EFR3A: variants seen among roughly 807,000 people sequenced by gnomAD.
EFR3A encodes the protein EFR3 homolog A.
Under a neutral mutation model 104.4 loss-of-function variants are expected in EFR3A, and 76 were observed. The observed-to-expected ratio is 0.73, with a 90% CI of 0.60 to 0.88. The LOEUF (loss-of-function observed/expected upper bound fraction) is 0.88, where lower values mean the gene tolerates loss of function less well. Ranked by LOEUF, EFR3A falls within the 40% of genes least tolerant of loss-of-function variation. EFR3A has a pLI of 0.00. For missense variants in EFR3A, 985 were observed against 1,012.5 expected (o/e 0.97, Z 0.37); for synonymous variants, 330 against 330.0 (o/e 1.00, Z 0.00).
intron 14 of EFR3A, among the ~76,000 whole-genome samples, chr8:131,981,102 G>T (rs1043308560): frequency 6.6e-6 from 1 of 151,010 alleles, no homozygotes; most frequent in African/African-American, 2.4e-5. Flanking sequence ...GGCTGATTCC[G>T]TACTGAGGAA....
chr8:131,933,820 A>G (rs148489294), intron 1 of EFR3A, among the ~76,000 whole-genome samples: 4 of 151,330 alleles, frequency 2.6e-5, no homozygotes, highest in East Asian at 3.9e-4. Context: ...TTTTTTTTCT[A>G]CAGTTTCCCA....
chr8:132,006,229 A>T (rs994436106), intron 22 of EFR3A, among the ~76,000 whole-genome samples: 1 of 152,170 alleles, frequency 6.6e-6, no homozygotes, highest in Non-Finnish European at 1.5e-5. Flanking sequence ...TCAGAAGTCA[A>T]TGAAACAGAA....
intron 1 of EFR3A, among the ~76,000 whole-genome samples, chr8:131,937,927 G>A (rs946632097): frequency 2.0e-5 from 3 of 151,942 alleles, no homozygotes; most frequent in Non-Finnish European, 4.4e-5. Context: ...GAAAGGGGGT[G>A]TAAGTAGGCT....
Position 131,950,025 on chromosome 8 carries a change from C to A in EFR3A, c.423C>A (p.Asp141Glu). 2 of 1,608,368 alleles carry A rather than the reference C, an allele frequency of 1.2e-6. No homozygotes were observed. The highest frequency in any genetic ancestry group is 1.7e-6 in the Non-Finnish European group (2 of 1,177,750). ...EDTPSYHRRY[D>E]FFVSRFSAMC... ...CACCATCCTATCACAGACGTTATGACTTTTTTGTGTCTCGATTCAGTGCCA... is the reference window on the plus strand; with the variant it reads ...CACCATCCTATCACAGACGTTATGAATTTTTTGTGTCTCGATTCAGTGCCA... Residue 141 changes from aspartate (D) to glutamate (E), a missense_variant, in exon 5 of 23, where the codon GAC (aspartate) becomes GAA (glutamate). Transcript: ENST00000254624.
chr8:131,931,328 A>C (rs943286815), intron 1 of EFR3A, among the ~76,000 whole-genome samples: 1 of 152,110 alleles, frequency 6.6e-6, no homozygotes, highest in African/African-American at 2.4e-5. Context: ...GATTTTTATG[A>C]ATGTTGATTT....
At chr8:131,948,243 C>G (rs1266538726) in intron 4 of EFR3A, among the ~76,000 whole-genome samples, 1 of 152,096 alleles carries the variant, frequency 6.6e-6, no homozygotes, top group African/African-American at 2.4e-5. Context: ...CAGTTTTGAA[C>G]TACGCCTGTA....
chr8:132,006,186 GAAA>G (rs1822040920), intron 22 of EFR3A, among the ~76,000 whole-genome samples: 1 of 152,042 alleles, frequency 6.6e-6, no homozygotes, highest in African/African-American at 2.4e-5. Flanking sequence ...AGACATTAGA[GAAA>G]GAAGAACAAC....
At position 131,968,362 on chromosome 8, in the gene EFR3A, C is replaced by A; in HGVS notation, c.923C>A (p.Pro308His). ...GHLDARKKDA[P>H]RVRAGIIQVL... ...CTTGATGCTCGTAAAAAAGATGCTCCCCGGGTTCGAGCAGGTATTATTCAG... is the reference window on the plus strand; with the variant it reads ...CTTGATGCTCGTAAAAAAGATGCTCACCGGGTTCGAGCAGGTATTATTCAG... The change falls in exon 9 of 23, where the codon CCC becomes CAC. Residue 308 changes from proline (P) to histidine (H), a missense_variant. Transcript: ENST00000254624. The A allele has an allele frequency of 6.2e-7, 1 of 1,613,522 alleles. No individual in the cohort carries two copies. Among genetic ancestry groups the A allele is most frequent in the Non-Finnish European group, 8.5e-7 (1 of 1,179,628 alleles).
chr8:132,009,122 A>G (rs1822193211), intron 22 of EFR3A, among the ~76,000 whole-genome samples: 1 of 152,064 alleles, frequency 6.6e-6, no homozygotes, highest in African/African-American at 2.4e-5. Flanking sequence ...AATTGAGGAC[A>G]GTTTGCAGTT....
Position 131,928,304 on chromosome 8 carries a change from G to A in EFR3A, c.11-12195G>A, listed in dbSNP as rs190136060. Among the ~76,000 whole-genome samples, 774 of 152,100 alleles carry A rather than the reference G, an allele frequency of 5.1e-3. 17 individuals carry two copies. Among genetic ancestry groups the A allele is most frequent in the Admixed American group, 0.046 (703 of 15,272 alleles). On this transcript the variant is annotated intron_variant, in intron 1 of 22. Coordinates refer to ENST00000254624, the MANE Select transcript of EFR3A (RefSeq NM_015137.6). ...GAAGAAATCTCTGCTTTTCTTATAC[G>A]TTCGACATTAAATGCTAAATGAAGG...
chr8:131,952,385 A>C (rs1012643190), intron 5 of EFR3A, among the ~76,000 whole-genome samples: 4 of 151,976 alleles, frequency 2.6e-5, no homozygotes, highest in Non-Finnish European at 4.4e-5. Flanking sequence ...TAGATGTTAG[A>C]TCTGAATTGG....
At chr8:131,964,148 T>G (rs1277261704) in intron 8 of EFR3A, among the ~76,000 whole-genome samples, 1 of 151,982 alleles carries the variant, frequency 6.6e-6, no homozygotes, top group Non-Finnish European at 1.5e-5. Context: ...AGCATTCCCT[T>G]TGAAAACTGG....
At chr8:131,975,412 ATTTT>A (rs5895119) in intron 10 of EFR3A, among the ~76,000 whole-genome samples, 2 of 111,158 alleles carry the variant, frequency 1.8e-5, no homozygotes, top group African/African-American at 3.5e-5. Context: ...TTTTTTTCCT[ATTTT>A]TTTTTTTTTT....
At chr8:131,943,962 C>T (rs1818297616) in intron 2 of EFR3A, among the ~76,000 whole-genome samples, 1 of 152,046 alleles carries the variant, frequency 6.6e-6, no homozygotes, top group African/African-American at 2.4e-5. Flanking sequence ...GGTGACTCAA[C>T]TAGGGAAACA....
At chr8:132,010,488 G>C (rs1290552452) in intron 22 of EFR3A, among the ~76,000 whole-genome samples, 1 of 139,314 alleles carries the variant, frequency 7.2e-6, no homozygotes, top group Non-Finnish European at 1.5e-5. Context: ...GATAATATCT[G>C]TATACATGAA....
At chr8:132,007,987 T>C (rs958093152) in intron 22 of EFR3A, among the ~76,000 whole-genome samples, 2 of 151,880 alleles carry the variant, frequency 1.3e-5, no homozygotes, top group South Asian at 4.1e-4. Flanking sequence ...AAAGCTAAAA[T>C]CAAAATTTCT....
intron 1 of EFR3A, among the ~76,000 whole-genome samples, chr8:131,917,877 G>T (rs534455681): frequency 5.7e-4 from 87 of 152,176 alleles, no homozygotes; most frequent in Non-Finnish European, 9.9e-4. Flanking sequence ...TCAGATTTTG[G>T]TTTATGAGCC....
chr8:131,983,024 T>C (rs1820695691), intron 14 of EFR3A, among the ~76,000 whole-genome samples: 1 of 152,150 alleles, frequency 6.6e-6, no homozygotes, highest in Admixed American at 6.6e-5. Context: ...ACTATAGGCC[T>C]CCTTACGGGG....
At chr8:131,966,099 A>G (rs1317788264) in intron 8 of EFR3A, among the ~76,000 whole-genome samples, 1 of 152,206 alleles carries the variant, frequency 6.6e-6, no homozygotes. Context: ...ATTAGGAGAT[A>G]TACCTAACGT....
Sources: gnomAD v4.1 joint callset for allele counts (sites outside exome capture counted in the v4.1 genomes callset) on GRCh38, gnomAD v4.1.1 for gene constraint, MANE v1.5 for transcripts, NCBI Gene and HGNC (gene_info 2026-07-23, HGNC 2026-07-21) for gene names.